Variants in MYPN observed in about 807,000 individuals in gnomAD.
MYPN encodes myopalladin.
MYPN carries 63 observed loss-of-function variants against 129.4 expected under a neutral mutation model. That is an observed-to-expected ratio of 0.49 (90% CI 0.40 to 0.60). The LOEUF is 0.60. Ranked by LOEUF, MYPN falls within the 20% of genes least tolerant of loss-of-function variation. The probability of loss-of-function intolerance (pLI) is 0.00; values close to 1 mark genes in which losing one functional copy is unlikely to be tolerated. For synonymous variants in MYPN, 629 were observed against 600.9 expected (o/e 1.05, Z -0.68); for missense variants, 1,596 against 1,635.4 (o/e 0.98, Z 0.42).
intron 19 of MYPN, 61 bp downstream of exon 19, chr10:68,206,964 T>A (rs1014558898): frequency 1.9e-6 from 3 of 1,598,710 alleles, no homozygotes; most frequent in Non-Finnish European, 2.6e-6. Flanking sequence ...AATATTTTTT[T>A]AAAGATAAAT....
intron 15 of MYPN, among the ~76,000 whole-genome samples, chr10:68,197,045 T>G (rs2043619036): frequency 6.6e-6 from 1 of 152,214 alleles, no homozygotes; most frequent in South Asian, 2.1e-4. Context: ...TGATGGCTTT[T>G]GAATAACTGG....
intron 1 of MYPN, among the ~76,000 whole-genome samples, chr10:68,090,907 C>A (rs761238647): frequency 3.9e-5 from 6 of 152,118 alleles, no homozygotes; most frequent in Non-Finnish European, 8.8e-5. Context: ...GCTTTTCAAA[C>A]TCAGAAACGT....
intron 10 of MYPN, among the ~76,000 whole-genome samples, chr10:68,169,832 C>T (rs1480072772): frequency 6.6e-5 from 10 of 151,890 alleles, no homozygotes; most frequent in Non-Finnish European, 5.9e-5. Flanking sequence ...TTCTGCCTTC[C>T]GGGTTCAAGC....
intron 12 of MYPN, among the ~76,000 whole-genome samples, chr10:68,180,486 T>C (rs1396018333): frequency 6.6e-6 from 1 of 152,226 alleles, no homozygotes; most frequent in East Asian, 1.9e-4. Flanking sequence ...GTGCCCGGCC[T>C]ACCTCCAAGT....
intron 2 of MYPN, among the ~76,000 whole-genome samples, chr10:68,132,435 C>T (rs1217721512): frequency 6.6e-6 from 1 of 152,112 alleles, no homozygotes; most frequent in Non-Finnish European, 1.5e-5. Flanking sequence ...CAAAATTGGC[C>T]TCAATTTTCT....
At chr10:68,090,882 A>G (rs2041927650) in intron 1 of MYPN, among the ~76,000 whole-genome samples, 1 of 152,124 alleles carries the variant, frequency 6.6e-6, no homozygotes, top group Admixed American at 6.5e-5. Context: ...ACCAGGTTTC[A>G]TTGTCTGGTG....
intron 7 of MYPN, 147 bp from the exon 8 acceptor site, chr10:68,161,582 G>A (rs954300356): frequency 3.1e-6 from 2 of 641,850 alleles, no homozygotes; most frequent in Non-Finnish European, 5.5e-6. Context: ...TCCCTGTTGA[G>A]ATCATCTTAC....
At chr10:68,181,031 G>A (rs932608457) in intron 12 of MYPN, among the ~76,000 whole-genome samples, 4 of 152,170 alleles carry the variant, frequency 2.6e-5, no homozygotes, top group African/African-American at 7.2e-5. Flanking sequence ...TTAGCCTAGA[G>A]AGGATGGGTC....
At chr10:68,136,663 C>G in intron 2 of MYPN, 1 of 1,534,894 alleles carries the variant, frequency 6.5e-7, no homozygotes, top group East Asian at 2.4e-5. Context: ...AGAGTTTGGG[C>G]ATTTGAATCA....
intron 1 of MYPN, among the ~76,000 whole-genome samples, chr10:68,089,428 G>A (rs1445640504): frequency 3.3e-5 from 5 of 152,054 alleles, no homozygotes; most frequent in Non-Finnish European, 5.9e-5. Context: ...TGCAAGCTCC[G>A]TTTCCCGGGT....
At chr10:68,182,364 TATATATAA>T (rs2043337547) in intron 12 of MYPN, among the ~76,000 whole-genome samples, 2 of 119,776 alleles carry the variant, frequency 1.7e-5, no homozygotes, top group African/African-American at 6.2e-5. Flanking sequence ...ATATAACACA[TATATATAA>T]CATATATAAC....
intron 2 of MYPN, among the ~76,000 whole-genome samples, chr10:68,141,919 G>T (rs766535711): frequency 6.6e-6 from 1 of 152,120 alleles, no homozygotes; most frequent in African/African-American, 2.4e-5. Context: ...GATCATTCTC[G>T]TCTTCTTTTT....
chr10:68,163,858 T>A (rs1342963677), intron 8 of MYPN, among the ~76,000 whole-genome samples: 1 of 152,176 alleles, frequency 6.6e-6, no homozygotes, highest in Admixed American at 6.5e-5. Flanking sequence ...GAACCTAGTA[T>A]GCAATTCTTG....
At position 68,138,088 on chromosome 10, in the gene MYPN, ATTTTTC is replaced by A. The variant is rs540137278; in HGVS notation, c.903-4840_903-4835del. ...CAAGGACATTTTTTGGTGAAATGGA[ATTTTTC>A]TTTTTCTTTTTTCTTCTTTTTTTTT... On this transcript the variant is annotated intron_variant, in intron 2 of 19. Coordinates refer to ENST00000358913, the MANE Select transcript of MYPN (RefSeq NM_032578.4). Among the ~76,000 whole-genome samples, 174 of 150,056 alleles carry A rather than the reference ATTTTTC, an allele frequency of 1.2e-3. 1 individual carries two copies. The highest frequency in any genetic ancestry group is 3.9e-3 in the African/African-American group (161 of 40,790).
Position 68,121,454 on chromosome 10 carries a change from A to G in MYPN, c.16A>G (p.Ile6Val). The stretch of plus-strand genomic sequence containing the variant: ...TTGTGACAGCATGCAAGACGACAGC[A>G]TAGAAGCTTCTACTTCCATATCTCA... MQDDS[I>V]EASTSISQLL... The change falls in exon 2 of 20, where the codon ATA becomes GTA. Residue 6 changes from isoleucine (I) to valine (V), a missense_variant. Ile to Val is a conservative substitution (Grantham distance 29, BLOSUM62 3). Coordinates refer to ENST00000358913, the MANE Select transcript of MYPN (RefSeq NM_032578.4). 1 of 1,612,600 alleles carries G rather than the reference A, an allele frequency of 6.2e-7. No individual in the cohort carries two copies. Among genetic ancestry groups the G allele is most frequent in the Non-Finnish European group, 8.5e-7 (1 of 1,179,418 alleles).
At chr10:68,157,514 T>C (rs764293353) in intron 6 of MYPN, among the ~76,000 whole-genome samples, 19 of 151,826 alleles carry the variant, frequency 1.3e-4, no homozygotes, top group Middle Eastern at 3.4e-3. Flanking sequence ...TTTCTGGAAA[T>C]CAAACACCAC....
intron 2 of MYPN, among the ~76,000 whole-genome samples, chr10:68,134,684 A>G (rs1241036196): frequency 6.6e-6 from 1 of 152,018 alleles, no homozygotes; most frequent in Non-Finnish European, 1.5e-5. Flanking sequence ...AGTCCCAGCT[A>G]CTCTGAAGGC....
rs778786073 is a variant in MYPN at position 68,174,626 on chromosome 10, C to T, written c.2534C>T (p.Ala845Val). ...PSLPAIPPTN[A>V]MGLPRSAPSM... Reference sequence around the variant, plus strand: ...CTCCCTGCCATCCCACCCACAAATGCCATGGGGCTGCCTAGAAGTGCACCA... The same window carrying T: ...CTCCCTGCCATCCCACCCACAAATGTCATGGGGCTGCCTAGAAGTGCACCA... The change falls in exon 11 of 20, where the codon GCC (alanine) becomes GTC (valine). Residue 845 changes from alanine (A) to valine (V), a missense_variant. Coordinates refer to ENST00000358913, the MANE Select transcript of MYPN (RefSeq NM_032578.4). The T allele has an allele frequency of 1.2e-6, 2 of 1,614,116 alleles. No individual in the cohort carries two copies. The highest frequency in any genetic ancestry group is 1.7e-6 in the Non-Finnish European group (2 of 1,180,016).
intron 7 of MYPN, among the ~76,000 whole-genome samples, chr10:68,159,821 A>T (rs77229943): frequency 0.046 from 7,008 of 152,266 alleles, 293 homozygotes; most frequent in Admixed American, 0.1. Context: ...CATAATGAAC[A>T]TATATAACTT....
Sources: allele counts gnomAD v4.1 joint callset (sites outside exome capture counted in the v4.1 genomes callset), GRCh38; gene constraint gnomAD v4.1.1; transcripts MANE v1.5; gene names NCBI Gene and HGNC (gene_info 2026-07-23, HGNC 2026-07-21).